ZNF330: variants seen among roughly 807,000 people sequenced by gnomAD.
The protein encoded by ZNF330 is nucleolar atypical zinc finger, also known as zinc finger protein 330.
Under a neutral mutation model 45.5 loss-of-function variants are expected in ZNF330, and 31 were observed. The observed-to-expected ratio is 0.68, with a 90% CI of 0.51 to 0.92. ZNF330 has a LOEUF of 0.92. ZNF330 is among the 40% of genes least tolerant of loss of function. The probability of loss-of-function intolerance (pLI) is 0.00; values close to 1 mark genes in which losing one functional copy is unlikely to be tolerated. For missense variants in ZNF330, 356 were observed against 387.4 expected (o/e 0.92, Z 0.68); for synonymous variants, 138 against 123.2 (o/e 1.12, Z -0.79).
chr4:141,232,450 TA>T (rs1260962633), intron 8 of ZNF330, 74 bp from the exon 9 acceptor site: 7 of 796,204 alleles, frequency 8.8e-6, no homozygotes, highest in Non-Finnish European at 1.3e-5. Flanking sequence ...GCTATATCTT[TA>T]AAACACTGAA....
intron 7 of ZNF330, 64 bp downstream of exon 7, chr4:141,230,334 T>G: frequency 1.0e-6 from 1 of 994,312 alleles, no homozygotes; most frequent in South Asian, 1.9e-5. Context: ...TTATTAATCT[T>G]AATGAAAAAG....
rs1057239734 is a variant in ZNF330 at position 141,230,070 on chromosome 4, A to G, written c.419-96A>G. 16 of 892,116 alleles carry G rather than the reference A, an allele frequency of 1.8e-5. No homozygotes were observed. In the Admixed American group the frequency reaches 2.4e-4, roughly 14 times the overall value. 55.3% of individuals were successfully genotyped at this position (892,116 alleles called of 1,614,324 possible). On this transcript the variant is annotated intron_variant, in intron 6 of 9. Transcript: ENST00000262990. ...GCTGAACAATTTTGGTGTATCTCCA[A>G]AGTAACTTACCATCTCTTCTAAGCA...
At chr4:141,231,628 G>T in intron 8 of ZNF330, 143 bp downstream of exon 8, 1 of 553,964 alleles carries the variant, frequency 1.8e-6, no homozygotes. Context: ...TTGAGACTGT[G>T]GAATTGAAGT....
Position 141,229,637 on chromosome 4 carries a change from T to G in ZNF330, c.358T>G (p.Cys120Gly), listed in dbSNP as rs763294416. ...HGRKCLSTHACACPLTDAECV... is the reference protein window; with the variant it reads ...HGRKCLSTHAGACPLTDAECV... ...TAGGAAATGTCTCAGTACACATGCT[T>G]GTGCCTGCCCTCTTACCGATGCTGA... Residue 120 changes from cysteine (C) to glycine (G), a missense_variant, in exon 6 of 10, where the codon TGT becomes GGT. Transcript: ENST00000262990. 6.2e-7 allele frequency: 1 copy of G among 1,613,246 alleles called. No homozygotes were observed. The highest frequency in any genetic ancestry group is 2.2e-5 in the East Asian group (1 of 44,874).
At chr4:141,233,261 G>A (rs775778417) in intron 9 of ZNF330, among the ~76,000 whole-genome samples, 1 of 152,118 alleles carries the variant, frequency 6.6e-6, no homozygotes, top group Non-Finnish European at 1.5e-5. Context: ...ATGGTGAGGT[G>A]AGACTGATGA....
chr4:141,227,130 A>G (rs1262060745), intron 5 of ZNF330, among the ~76,000 whole-genome samples: 3 of 148,960 alleles, frequency 2.0e-5, no homozygotes, highest in Non-Finnish European at 4.5e-5. Context: ...TTTTTTTTAA[A>G]TTTTATTATT....
intron 9 of ZNF330, 49 bp from the exon 10 acceptor site, chr4:141,233,666 T>C (rs1402206380): frequency 6.5e-7 from 1 of 1,534,492 alleles, no homozygotes; most frequent in Admixed American, 2.0e-5. Flanking sequence ...GATGAGAATG[T>C]AGAGAACTGG....
chr4:141,230,121 A>C, intron 6 of ZNF330, 45 bp from the exon 7 acceptor site: 1 of 1,400,262 alleles, frequency 7.1e-7, no homozygotes, highest in Non-Finnish European at 1.0e-6. Flanking sequence ...GTTTTTTTAA[A>C]TTAAAGTTTA....
At chr4:141,226,523 A>T (rs1456831106) in intron 4 of ZNF330, among the ~76,000 whole-genome samples, 1 of 152,172 alleles carries the variant, frequency 6.6e-6, no homozygotes, top group Non-Finnish European at 1.5e-5. Context: ...ATTAGCATAT[A>T]TATTGTATAG....
Position 141,229,577 on chromosome 4 carries a change from A to C in ZNF330, c.298A>C (p.Ile100Leu). 1 of 1,612,702 alleles carries C rather than the reference A, an allele frequency of 6.2e-7. No individual in the cohort carries two copies. Among genetic ancestry groups the C allele is most frequent in the Non-Finnish European group, 8.5e-7 (1 of 1,179,050 alleles). ...TCTTGTTCCTTGGTTACAGGGTGCA[A>C]TATGTGACTTCTGTGAAGCTTGGGT... ...YSTGLAMVGA[I>L]CDFCEAWVCH... Residue 100 changes from isoleucine to leucine, a missense_variant, in exon 6 of 10, where the codon ATA (isoleucine) becomes CTA (leucine). By Grantham distance (5) the Ile-to-Leu change is conservative (BLOSUM62 2). Transcript: ENST00000262990.
intron 5 of ZNF330, 26 bp downstream of exon 5, chr4:141,226,872 T>C (rs756038451): frequency 1.3e-6 from 2 of 1,551,952 alleles, no homozygotes; most frequent in Non-Finnish European, 1.8e-6. Context: ...TCTCTTAGAC[T>C]AGTACGTTTT....
chr4:141,222,243 C>T, intron 1 of ZNF330, 123 bp from the exon 2 acceptor site: 1 of 1,177,706 alleles, frequency 8.5e-7, no homozygotes, highest in Non-Finnish European at 1.2e-6. Context: ...GCTTAACTAT[C>T]GAAAGGATAG....
intron 6 of ZNF330, 44 bp from the exon 7 acceptor site, chr4:141,230,122 T>A (rs955924704): frequency 7.1e-7 from 1 of 1,406,588 alleles, no homozygotes. Flanking sequence ...TTTTTTTAAA[T>A]TAAAGTTTAT....
chr4:141,222,391 G>A lies in ZNF330; in HGVS notation c.20G>A (p.Gly7Asp). 1 of 1,613,152 alleles carries A rather than the reference G, an allele frequency of 6.2e-7. No homozygotes were observed. Among genetic ancestry groups the A allele is most frequent in the Non-Finnish European group, 8.5e-7 (1 of 1,179,574 alleles). The change falls in exon 2 of 10, where the codon GGT becomes GAT. Residue 7 changes from glycine (G) to aspartate (D), a missense_variant. Physicochemically the swap from Gly to Asp is moderately conservative, Grantham distance 94. Coordinates refer to ENST00000262990, the MANE Select transcript of ZNF330 (RefSeq NM_014487.6). ...GGGAAAATGCCTAAAAAAAAGACTG[G>A]TGCGAGGAAGAAGGCTGAGAACCGC... MPKKKT[G>D]ARKKAENRRE... is the part of the protein sequence containing the mutation.
At chr4:141,233,204 A>G (rs886701212) in intron 9 of ZNF330, among the ~76,000 whole-genome samples, 1 of 152,144 alleles carries the variant, frequency 6.6e-6, no homozygotes, top group Non-Finnish European at 1.5e-5. Context: ...GAATGGAACC[A>G]TAATTCTAAG....
At chr4:141,226,998 A>G (rs939187335) in intron 5 of ZNF330, 152 bp downstream of exon 5, 7 of 535,870 alleles carry the variant, frequency 1.3e-5, no homozygotes, top group Admixed American at 3.9e-5. Flanking sequence ...TGCTTTTTGT[A>G]TGATTTTCCC....
At position 141,222,627 on chromosome 4, in the gene ZNF330, G is replaced by A. The variant is rs17007021; in HGVS notation, c.120+136G>A. ...TTGCTGAATTTAGTATCTCTGGCACGTCTGTTGATTTCACTGAGTGGCAGT... is the reference window on the plus strand; with the variant it reads ...TTGCTGAATTTAGTATCTCTGGCACATCTGTTGATTTCACTGAGTGGCAGT... On this transcript the variant is annotated intron_variant, in intron 2 of 9. Coordinates refer to ENST00000262990, the MANE Select transcript of ZNF330 (RefSeq NM_014487.6). 8.6e-3 allele frequency: 7,448 copies of A among 869,746 alleles called. 394 individuals carry two copies. The African/African-American group carries it at 0.11, about 13-fold the overall frequency. The allele number at this position is 869,746 out of a possible 1,614,324, so 53.9% of individuals were successfully genotyped here. A position where few individuals can be genotyped will look rare whatever the true frequency, so the allele number is the denominator to read the frequency against.
At position 141,233,961 on chromosome 4, in the gene ZNF330, A is replaced by G. The variant is rs369003661; in HGVS notation, c.935A>G (p.Tyr312Cys). Residue 312 changes from tyrosine to cysteine, a missense_variant, in exon 10 of 10, where the codon TAT (tyrosine) becomes TGT (cysteine). Coordinates refer to ENST00000262990, the MANE Select transcript of ZNF330 (RefSeq NM_014487.6). The stretch of plus-strand genomic sequence containing the variant: ...TTAGGAAGGACCTATGCTAGTGGCT[A>G]TGCTCACTATGAGGAACAAGAGAAC... ...LNLGRTYASG[Y>C]AHYEEQEN 42 of 1,613,290 alleles carry G rather than the reference A, an allele frequency of 2.6e-5. No individual in the cohort carries two copies. The highest frequency in any genetic ancestry group is 3.3e-5 in the Non-Finnish European group (39 of 1,179,558).
At position 141,222,419 on chromosome 4, in the gene ZNF330, A is replaced by G. The variant is rs200537853; in HGVS notation, c.48A>G (p.Arg16=). The change falls in exon 2 of 10, where the codon CGA becomes CGG. Residue 16 remains arginine, a synonymous_variant. Transcript: ENST00000262990. ...TGARKKAENR[R]EREKQLRASR... ...CGAGGAAGAAGGCTGAGAACCGCCG[A>G]GAACGTGAAAAACAACTAAGAGCAT... is the stretch of plus-strand genomic sequence containing the variant. 16 of 1,613,942 alleles carry G rather than the reference A, an allele frequency of 9.9e-6. No homozygotes were observed. In the African/African-American group the frequency reaches 2.1e-4, roughly 22 times the overall value.
Sources: gnomAD v4.1 joint callset for allele counts (sites outside exome capture counted in the v4.1 genomes callset) on GRCh38, gnomAD v4.1.1 for gene constraint, MANE v1.5 for transcripts, NCBI Gene and HGNC (gene_info 2026-07-23, HGNC 2026-07-21) for gene names.